The following ITGAV variants were observed in gnomAD, a reference collection of about 807,000 sequenced individuals.
ITGAV encodes integrin subunit alpha V.
A neutral mutation model predicts 143.8 loss-of-function variants in ITGAV; 76 were observed. The ratio of observed to expected loss-of-function variants is 0.53; its 90% CI spans 0.44 to 0.64. The LOEUF is 0.64. Ranked by LOEUF, ITGAV falls within the 30% of genes least tolerant of loss-of-function variation. The pLI is 0.00. For synonymous variants in ITGAV, 453 were observed against 446.7 expected (o/e 1.01, Z -0.18); for missense variants, 1,193 against 1,274.7 (o/e 0.94, Z 0.98).
At chr2:186,635,996 T>G in intron 6 of ITGAV, 86 bp from the exon 7 acceptor site, 1 of 1,121,976 alleles carries the variant, frequency 8.9e-7, no homozygotes, top group Non-Finnish European at 1.3e-6. Flanking sequence ...CTAATATTGT[T>G]TTCCTTCATG....
chr2:186,669,088 T>C (rs1222041755), intron 25 of ITGAV, among the ~76,000 whole-genome samples, 168 bp downstream of exon 25: 1 of 152,214 alleles, frequency 6.6e-6, no homozygotes, highest in Admixed American at 6.5e-5. Flanking sequence ...ATTTGTATAA[T>C]GGGTAAGAAT....
chr2:186,675,640 C>T lies in ITGAV; in HGVS notation c.2743C>T (p.Gln915Ter), dbSNP rs1316827234. The change falls in exon 27 of 30, where the codon CAA becomes TAA. Residue 915 changes from glutamine (Q) to a stop codon, truncating the protein, a stop_gained. Transcript: ENST00000261023. LOFTEE classifies it high-confidence loss of function. The stretch of plus-strand genomic sequence containing the variant: ...TGCTCAGTGCTTGAAGATTGTCTGC[C>T]AAGTTGGGAGATTAGACAGAGGAAA... ...GVAQCLKIVC[Q>*]VGRLDRGKSA... 6.2e-7 allele frequency: 1 copy of T among 1,613,966 alleles called. No individual in the cohort carries two copies. The highest frequency in any genetic ancestry group is 8.5e-7 in the Non-Finnish European group (1 of 1,179,934).
intron 1 of ITGAV, chr2:186,600,405 T>G: frequency 6.5e-7 from 1 of 1,537,616 alleles, no homozygotes; most frequent in Non-Finnish European, 8.8e-7. Context: ...AAATAACTTC[T>G]CTGTCTACTT....
intron 1 of ITGAV, among the ~76,000 whole-genome samples, chr2:186,593,377 A>G (rs2105643269): frequency 6.6e-6 from 1 of 152,310 alleles, no homozygotes; most frequent in South Asian, 2.1e-4. Flanking sequence ...CCCCTCAAAA[A>G]ATCACTCCAG....
chr2:186,673,826 A>C (rs923616875), intron 26 of ITGAV, among the ~76,000 whole-genome samples: 1 of 151,508 alleles, frequency 6.6e-6, no homozygotes, highest in African/African-American at 2.4e-5. Context: ...CACGACCAGG[A>C]CTGGCTAATT....
intron 15 of ITGAV, among the ~76,000 whole-genome samples, chr2:186,652,749 G>C (rs1217268985): frequency 6.6e-6 from 1 of 151,756 alleles, no homozygotes; most frequent in Non-Finnish European, 1.5e-5. Context: ...ATGAACAGTT[G>C]TATGAAAAAA....
intron 1 of ITGAV, among the ~76,000 whole-genome samples, 185 bp downstream of exon 1, chr2:186,590,708 C>G (rs1472750845): frequency 6.6e-6 from 1 of 152,200 alleles, no homozygotes; most frequent in Non-Finnish European, 1.5e-5. Context: ...CCCTTTGGTA[C>G]CCATCACCCA....
rs201344506 is a variant in ITGAV at position 186,622,477 on chromosome 2, G to C, written c.408+47G>C. 3 of 1,214,452 alleles carry C rather than the reference G, an allele frequency of 2.5e-6. No individual in the cohort carries two copies. The African/African-American group carries it at 4.5e-5, about 18-fold the overall frequency. The allele number at this position is 1,214,452 out of a possible 1,614,324, so 75.2% of individuals were successfully genotyped here. ...TTACAGGTGATTTTAGTCAGTTTAT[G>C]TGGAGACACAGAAGGTTTTATATTT... is the stretch of plus-strand genomic sequence containing the variant. On this transcript the variant is annotated intron_variant, in intron 3 of 29. Coordinates refer to ENST00000261023, the MANE Select transcript of ITGAV (RefSeq NM_002210.5).
intron 19 of ITGAV, 68 bp downstream of exon 19, chr2:186,663,903 G>T: frequency 9.4e-7 from 1 of 1,068,134 alleles, no homozygotes; most frequent in Non-Finnish European, 1.4e-6. Context: ...TCTATTCAAA[G>T]GACTAACATA....
chr2:186,628,771 G>C (rs371829731), intron 4 of ITGAV, among the ~76,000 whole-genome samples: 5 of 152,124 alleles, frequency 3.3e-5, no homozygotes, highest in South Asian at 4.2e-4. Context: ...TTTGAACATA[G>C]ATTTTTCTCA....
At chr2:186,596,434 T>C (rs1398992174) in intron 1 of ITGAV, among the ~76,000 whole-genome samples, 1 of 152,058 alleles carries the variant, frequency 6.6e-6, no homozygotes, top group African/African-American at 2.4e-5. Context: ...TTAACTTTGT[T>C]TTTTGTAGTA....
chr2:186,602,404 CA>C (rs1251472659), intron 2 of ITGAV, among the ~76,000 whole-genome samples: 3 of 152,120 alleles, frequency 2.0e-5, no homozygotes, highest in Non-Finnish European at 4.4e-5. Context: ...AATATCAACC[CA>C]CAGAAATTTG....
At chr2:186,611,166 C>G (rs994363509) in intron 2 of ITGAV, among the ~76,000 whole-genome samples, 23 of 152,260 alleles carry the variant, frequency 1.5e-4, no homozygotes, top group African/African-American at 5.3e-4. Context: ...AACATTGACC[C>G]TACTGCCCCC....
chr2:186,662,228 T>TA (rs1254398085), intron 18 of ITGAV, among the ~76,000 whole-genome samples: 1 of 152,236 alleles, frequency 6.6e-6, no homozygotes, highest in Non-Finnish European at 1.5e-5. Flanking sequence ...CACTTTGATC[T>TA]AATCAAGCGT....
intron 15 of ITGAV, among the ~76,000 whole-genome samples, chr2:186,653,101 A>G (rs1364361868): frequency 5.9e-5 from 9 of 151,360 alleles, no homozygotes; most frequent in Admixed American, 2.0e-4. Context: ...GCCCACCAAC[A>G]CGCCCGGCTA....
Position 186,679,185 on chromosome 2 carries a change from C to T in ITGAV, c.*1893C>T, listed in dbSNP as rs1689290192. ...AAGTTAGTCTATAACAAATTTTACC[C>T]TAACAGTTTTACCACCTAGTAACAG... is the stretch of plus-strand genomic sequence containing the variant. On this transcript the variant is annotated 3_prime_UTR_variant, in exon 30 of 30. Coordinates refer to ENST00000261023, the MANE Select transcript of ITGAV (RefSeq NM_002210.5). The T allele has an allele frequency of 6.6e-6, 1 of 152,262 alleles. No homozygotes were observed. The highest frequency in any genetic ancestry group is 2.4e-5 in the African/African-American group (1 of 41,422). The allele number at this position is 152,262 out of a possible 1,614,324, so 9.4% of individuals were successfully genotyped here.
intron 7 of ITGAV, among the ~76,000 whole-genome samples, chr2:186,636,694 CAT>C (rs1439688182): frequency 6.6e-6 from 1 of 152,172 alleles, no homozygotes; most frequent in Non-Finnish European, 1.5e-5. Flanking sequence ...GACTTATTAA[CAT>C]GTGTTCTCTC....
At chr2:186,642,514 C>CTTTG (rs751431720) in intron 12 of ITGAV, among the ~76,000 whole-genome samples, 1 of 146,350 alleles carries the variant, frequency 6.8e-6, no homozygotes, top group Non-Finnish European at 1.5e-5. Flanking sequence ...ATTTCTTTTT[C>CTTTG]TTTGTTTCTT....
intron 26 of ITGAV, among the ~76,000 whole-genome samples, chr2:186,671,707 A>T (rs1304141865): frequency 6.6e-6 from 1 of 152,134 alleles, no homozygotes; most frequent in African/African-American, 2.4e-5. Context: ...TTGAACCACC[A>T]TTACCACTAT....
Sources: allele counts gnomAD v4.1 joint callset (sites outside exome capture counted in the v4.1 genomes callset), GRCh38; gene constraint gnomAD v4.1.1; transcripts MANE v1.5; gene names NCBI Gene and HGNC (gene_info 2026-07-23, HGNC 2026-07-21).